IWS1: variants seen among roughly 807,000 people sequenced by gnomAD.
IWS1 encodes protein IWS1 homolog.
A neutral mutation model predicts 86.7 loss-of-function variants in IWS1; 27 were observed. The ratio of observed to expected loss-of-function variants is 0.31; its 90% confidence interval spans 0.23 to 0.43. The LOEUF (loss-of-function observed/expected upper bound fraction) is 0.43, where lower values mean the gene tolerates loss of function less well. IWS1 is among the 20% of genes least tolerant of loss of function. The probability of loss-of-function intolerance (pLI) is 1.00; values close to 1 mark genes in which losing one functional copy is unlikely to be tolerated. For synonymous variants in IWS1, 313 were observed against 335.1 expected, an observed-to-expected ratio of 0.93 and a Z score of 0.72; for missense variants, 827 against 1,000.8, an observed-to-expected ratio of 0.83 and a Z score of 2.34.
upstream of IWS1, among the ~76,000 whole-genome samples, chr2:127,527,240 G>C (rs957049346): frequency 1.8e-4 from 28 of 152,152 alleles, no homozygotes; most frequent in African/African-American, 6.5e-4. Flanking sequence ...GACAAGGCCA[G>C]AGACCTTTCC....
At chr2:127,521,405 A>G (rs1692088740) in intron 2 of IWS1, among the ~76,000 whole-genome samples, 1 of 152,220 alleles carries the variant, frequency 6.6e-6, no homozygotes, top group Non-Finnish European at 1.5e-5. Context: ...TGCTGGTTTT[A>G]ATTTTTTTCT....
At chr2:127,481,783 G>A (rs1689643334) in intron 13 of IWS1, among the ~76,000 whole-genome samples, 1 of 152,158 alleles carries the variant, frequency 6.6e-6, no homozygotes, top group Non-Finnish European at 1.5e-5. Flanking sequence ...ACTGCTGAGA[G>A]AAGGAAATGA....
At chr2:127,518,562 C>CTTTTTTTTTTTTTTTTTTTTTTT (rs747745807) in intron 2 of IWS1, among the ~76,000 whole-genome samples, 1 of 116,868 alleles carries the variant, frequency 8.6e-6, no homozygotes, top group African/African-American at 3.4e-5. Context: ...ACAGGCGATT[C>CTTTTTTTTTTTTTTTTTTTTTTT]TTTTTTTTTT....
At chr2:127,526,819 C>G (rs534629951), upstream of IWS1, 69 of 632,066 alleles carry the variant, frequency 1.1e-4, no homozygotes, top group African/African-American at 1.2e-3. Context: ...CCCGTCAGGC[C>G]CAGAGGCGCC....
At chr2:127,481,449 G>C (rs536611552) in intron 13 of IWS1, among the ~76,000 whole-genome samples, 2 of 151,784 alleles carry the variant, frequency 1.3e-5, no homozygotes, top group African/African-American at 4.8e-5. Context: ...GAAAGGGGGG[G>C]GGAAACTGAG....
At chr2:127,487,629 C>T (rs536883991) in intron 12 of IWS1, among the ~76,000 whole-genome samples, 17 of 152,268 alleles carry the variant, frequency 1.1e-4, no homozygotes, top group African/African-American at 3.9e-4. Flanking sequence ...CAGCTCACCG[C>T]GAGCTCCACC....
rs1343922100 is a variant in IWS1, at chr2:127,503,376, C to G, written c.1409+11G>C. 28 of 1,600,248 alleles carry G rather than the reference C, an allele frequency of 1.7e-5. No homozygotes were observed. The highest frequency in any genetic ancestry group is 2.2e-5 in the Non-Finnish European group (26 of 1,171,938). The stretch of plus-strand genomic sequence containing the variant: ...AGAACCCCTGAAAACTCATGTTATA[C>G]TGTCACTTACTCTTCTTCATTGCCT... On this transcript the variant is annotated intron_variant, in intron 4 of 13. Transcript: ENST00000295321.
chr2:127,497,542 G>C (rs1558749888), intron 6 of IWS1, among the ~76,000 whole-genome samples: 2 of 152,194 alleles, frequency 1.3e-5, no homozygotes, highest in Admixed American at 6.5e-5. Context: ...AAAAAAGAGG[G>C]AGTTAAGTTA....
intron 6 of IWS1, among the ~76,000 whole-genome samples, chr2:127,497,019 G>A (rs1012593453): frequency 6.6e-6 from 1 of 152,160 alleles, no homozygotes; most frequent in Admixed American, 6.5e-5. Flanking sequence ...AGCCTAGGTG[G>A]GTAGTAGGCA....
At chr2:127,508,417 G>A (rs1471938478) in intron 2 of IWS1, among the ~76,000 whole-genome samples, 3 of 152,240 alleles carry the variant, frequency 2.0e-5, no homozygotes, top group African/African-American at 7.2e-5. Flanking sequence ...GTTAAGACGG[G>A]AGGGTGGGGA....
intron 2 of IWS1, 141 bp downstream of exon 2, chr2:127,523,535 G>T: frequency 1.8e-6 from 1 of 562,034 alleles, no homozygotes. Context: ...TTTTTCAAGC[G>T]GTTTTCTATT....
At chr2:127,490,323 C>G (rs1690158466) in intron 10 of IWS1, among the ~76,000 whole-genome samples, 1 of 152,182 alleles carries the variant, frequency 6.6e-6, no homozygotes, top group Admixed American at 6.5e-5. Flanking sequence ...TCTTGAAATT[C>G]TGCTTTCTTA....
At chr2:127,507,130 C>T (rs1325100394) in intron 2 of IWS1, among the ~76,000 whole-genome samples, 1 of 152,068 alleles carries the variant, frequency 6.6e-6, no homozygotes, top group Non-Finnish European at 1.5e-5. Context: ...AATATATATG[C>T]CCAACATCAT....
At chr2:127,509,707 CAAAAAAAAA>C (rs34526019) in intron 2 of IWS1, among the ~76,000 whole-genome samples, 10 of 55,486 alleles carry the variant, frequency 1.8e-4, no homozygotes, top group African/African-American at 7.3e-4. Context: ...CACTCCATCT[CAAAAAAAAA>C]AAAAAAAAAA....
At chr2:127,522,531 G>C (rs1440040717) in intron 2 of IWS1, among the ~76,000 whole-genome samples, 2 of 152,214 alleles carry the variant, frequency 1.3e-5, no homozygotes, top group Admixed American at 1.3e-4. Flanking sequence ...CCTGCAAAAA[G>C]TCTGACACAT....
At position 127,505,380 on chromosome 2, in the gene IWS1, C is replaced by T. The variant is rs767476277; in HGVS notation, c.523G>A (p.Glu175Lys). ...CTGATTTGAGGTTTTAGAGCATCTTCTGTTTCAGAGTCACTAGCAGGACTC... is the reference window on the plus strand; with the variant it reads ...CTGATTTGAGGTTTTAGAGCATCTTTTGTTTCAGAGTCACTAGCAGGACTC... ...QKSPASDSET[E>K]DALKPQISDS... is the part of the protein sequence containing the mutation. Residue 175 changes from glutamate (E) to lysine (K), a missense_variant, in exon 3 of 14, where the codon GAA (glutamate) becomes AAA (lysine). By Grantham distance (56) the Glu-to-Lys change is moderately conservative. Transcript: ENST00000295321. This position sits in a 1 kb window ranked among gnomAD's most constrained non-coding sequence, Gnocchi z 5.0. The T allele has an allele frequency of 4.3e-6, 7 of 1,614,024 alleles. No individual in the cohort carries two copies. Among genetic ancestry groups the T allele is most frequent in the African/African-American group, 1.3e-5 (1 of 74,922 alleles).
intron 12 of IWS1, among the ~76,000 whole-genome samples, chr2:127,487,373 C>A (rs1689983264): frequency 6.6e-6 from 1 of 152,170 alleles, no homozygotes; most frequent in Non-Finnish European, 1.5e-5. Flanking sequence ...CCGTGGGTAA[C>A]CATGCTAGAC....
At chr2:127,481,445 G>C (rs895603132) in intron 13 of IWS1, among the ~76,000 whole-genome samples, 2 of 152,002 alleles carry the variant, frequency 1.3e-5, no homozygotes, top group Admixed American at 6.6e-5. Context: ...GGGAGAAAGG[G>C]GGGGGGAAAC....
intron 5 of IWS1, among the ~76,000 whole-genome samples, chr2:127,500,120 A>C (rs1430926947): frequency 6.6e-6 from 1 of 152,220 alleles, no homozygotes; most frequent in Non-Finnish European, 1.5e-5. Flanking sequence ...TCCTATGTTA[A>C]AATTAAGCAC....
Sources: gnomAD v4.1 joint callset for allele counts (sites outside exome capture counted in the v4.1 genomes callset) on GRCh38, gnomAD v4.1.1 for gene constraint, Gnocchi (gnomAD v3.1) non-coding constraint, MANE v1.5 for transcripts, NCBI Gene and HGNC (gene_info 2026-07-23, HGNC 2026-07-21) for gene names.